Variants in L3MBTL4 observed in about 807,000 individuals in gnomAD.
L3MBTL4 encodes the protein L3MBTL histone methyl-lysine binding protein 4.
A neutral mutation model predicts 84.5 loss-of-function variants in L3MBTL4; 70 were observed. The observed-to-expected ratio is 0.83, with a 90% CI of 0.68 to 1.01. The LOEUF (loss-of-function observed/expected upper bound fraction) is 1.01. Among genes scored for constraint, L3MBTL4 ranks in the 50% least tolerant of loss-of-function variants. The probability of loss-of-function intolerance (pLI) is 0.00; values close to 1 mark genes in which losing one functional copy is unlikely to be tolerated. For missense variants in L3MBTL4, 715 were observed against 754.8 expected (o/e 0.95, Z 0.62); for synonymous variants, 274 against 259.8 (o/e 1.05, Z -0.52).
chr18:6,111,001 C>G (rs1287661380), intron 14 of L3MBTL4, among the ~76,000 whole-genome samples: 1 of 151,898 alleles, frequency 6.6e-6, no homozygotes, highest in Non-Finnish European at 1.5e-5. Flanking sequence ...GGTCCTATCT[C>G]TCCTCTGCCC....
intron 1 of L3MBTL4, among the ~76,000 whole-genome samples, chr18:6,316,892 T>C (rs1302582732): frequency 6.6e-6 from 1 of 152,100 alleles, no homozygotes; most frequent in East Asian, 1.9e-4. Flanking sequence ...TATTGGGTAC[T>C]GCATTTAGCC....
At chr18:6,067,567 A>G (rs2145942188) in intron 16 of L3MBTL4, among the ~76,000 whole-genome samples, 1 of 152,238 alleles carries the variant, frequency 6.6e-6, no homozygotes, top group South Asian at 2.1e-4. Context: ...GATTCTTTCT[A>G]GTCTATTGAA....
chr18:6,025,915 C>T (rs1336945250), intron 16 of L3MBTL4, among the ~76,000 whole-genome samples: 1 of 152,240 alleles, frequency 6.6e-6, no homozygotes, highest in Admixed American at 6.5e-5. Flanking sequence ...GGGCCAGTAC[C>T]TGTCCATGGC....
At chr18:6,113,277 T>G (rs1169140175) in intron 14 of L3MBTL4, among the ~76,000 whole-genome samples, 1 of 152,160 alleles carries the variant, frequency 6.6e-6, no homozygotes, top group Non-Finnish European at 1.5e-5. Flanking sequence ...TGATTAGTAT[T>G]AAAGACTAAC....
chr18:6,295,187 G>A (rs1216321645), intron 4 of L3MBTL4, among the ~76,000 whole-genome samples: 3 of 151,826 alleles, frequency 2.0e-5, no homozygotes, highest in Middle Eastern at 3.4e-3. Flanking sequence ...CAGGAGAATC[G>A]TTTGAACCTG....
chr18:6,023,234 G>A (rs530708), intron 16 of L3MBTL4, among the ~76,000 whole-genome samples: 19,943 of 152,258 alleles, frequency 0.13, 1,833 homozygotes, highest in African/African-American at 0.26. Flanking sequence ...ATAGGGAGCA[G>A]TGGCTCTCAT....
At chr18:6,012,239 T>A (rs1026504797) in intron 16 of L3MBTL4, among the ~76,000 whole-genome samples, 1 of 152,034 alleles carries the variant, frequency 6.6e-6, no homozygotes, top group Non-Finnish European at 1.5e-5. Flanking sequence ...GGAGGAAAGG[T>A]TATCCTAAGA....
intron 17 of L3MBTL4, among the ~76,000 whole-genome samples, chr18:5,960,373 G>T (rs113320124): frequency 2.0e-5 from 3 of 152,320 alleles, no homozygotes; most frequent in African/African-American, 7.2e-5. Flanking sequence ...CCTGCAGAGG[G>T]TTATGGTTAT....
intron 1 of L3MBTL4, among the ~76,000 whole-genome samples, chr18:6,389,461 G>A (rs1040052513): frequency 6.6e-6 from 1 of 151,850 alleles, no homozygotes; most frequent in Non-Finnish European, 1.5e-5. Context: ...TATTAACAAG[G>A]AACATAAATT....
chr18:6,081,949 C>T (rs2058092912), intron 15 of L3MBTL4, among the ~76,000 whole-genome samples: 1 of 152,062 alleles, frequency 6.6e-6, no homozygotes, highest in Non-Finnish European at 1.5e-5. Flanking sequence ...TTGGACTTTA[C>T]CATAGGTCCT....
chr18:6,310,474 T>C (rs2050777016), intron 3 of L3MBTL4, among the ~76,000 whole-genome samples: 1 of 152,130 alleles, frequency 6.6e-6, no homozygotes, highest in Non-Finnish European at 1.5e-5. Context: ...TCAAACCAGA[T>C]CATTCTTTGA....
intron 1 of L3MBTL4, among the ~76,000 whole-genome samples, chr18:6,391,035 C>A (rs868506795): frequency 1.3e-5 from 2 of 148,540 alleles, no homozygotes; most frequent in Non-Finnish European, 2.9e-5. Flanking sequence ...CAAAAAAAAA[C>A]AAAAGTCTAC....
chr18:6,123,532 C>T (rs1012327114), intron 14 of L3MBTL4, among the ~76,000 whole-genome samples: 1 of 152,100 alleles, frequency 6.6e-6, no homozygotes, highest in African/African-American at 2.4e-5. Context: ...GTAAGATGTG[C>T]CTTTGCTACT....
intron 3 of L3MBTL4, among the ~76,000 whole-genome samples, chr18:6,302,163 A>C (rs986027825): frequency 1.4e-4 from 21 of 152,172 alleles, no homozygotes; most frequent in African/African-American, 5.1e-4. Context: ...CATTAAAAGT[A>C]TTGCTTCTGG....
chr18:6,324,781 C>G (rs981586286), intron 1 of L3MBTL4, among the ~76,000 whole-genome samples: 3 of 152,166 alleles, frequency 2.0e-5, no homozygotes, highest in African/African-American at 7.2e-5. Flanking sequence ...GCCTAAAGAT[C>G]TACTAATGTG....
rs558221113 is a variant in L3MBTL4, at chr18:6,326,913, C to T, written c.-90-14857G>A. ...TAATTTGTCTACTCCTTCCAATGAC[C>T]CTGATTTAACTGTAATAACTACATA... On this transcript the variant is annotated intron_variant, in intron 1 of 18. Transcript: ENST00000317931. 2.6e-5 allele frequency among the ~76,000 whole-genome samples: 4 copies of T among 152,182 alleles called. No individual in the cohort carries two copies. The East Asian group carries it at 5.8e-4, about 22-fold the overall frequency.
At chr18:6,265,690 T>A (rs1278319717) in intron 4 of L3MBTL4, among the ~76,000 whole-genome samples, 1 of 148,452 alleles carries the variant, frequency 6.7e-6, no homozygotes, top group Non-Finnish European at 1.5e-5. Context: ...GTGAAATAAG[T>A]TAGGCACAGT....
chr18:6,404,847 G>C (rs2055658254), intron 1 of L3MBTL4, among the ~76,000 whole-genome samples: 1 of 151,254 alleles, frequency 6.6e-6, no homozygotes, highest in South Asian at 2.1e-4. Context: ...CATCGTGCCT[G>C]GATAATTTTT....
At chr18:6,370,802 C>T (rs1404267147) in intron 1 of L3MBTL4, among the ~76,000 whole-genome samples, 4 of 152,086 alleles carry the variant, frequency 2.6e-5, no homozygotes, top group Non-Finnish European at 5.9e-5. Context: ...CCAAGCAAGC[C>T]GACTCAGAAA....
Sources: gnomAD v4.1 joint callset for allele counts (sites outside exome capture counted in the v4.1 genomes callset) on GRCh38, gnomAD v4.1.1 for gene constraint, MANE v1.5 for transcripts, NCBI Gene and HGNC (gene_info 2026-07-23, HGNC 2026-07-21) for gene names.